Variants in ZNF44 observed in about 807,000 individuals in gnomAD.
The protein encoded by ZNF44 is gonadotropin inducible transcription repressor-2.
ZNF44 carries 9 observed loss-of-function variants against 11.7 expected under a neutral mutation model. The observed-to-expected ratio is 0.77, with a 90% CI of 0.46 to 1.35. ZNF44 has a LOEUF of 1.35. ZNF44 is among the 40% of genes most tolerant of loss of function. The pLI is 0.00. For synonymous variants in ZNF44, 224 were observed against 242.7 expected, an observed-to-expected ratio of 0.92 and a Z score of 0.72; for missense variants, 696 against 743.1, an observed-to-expected ratio of 0.94 and a Z score of 0.74.
intron 1 of ZNF44, among the ~76,000 whole-genome samples, chr19:12,288,771 A>AATTTATATATATATAT: frequency 2.6e-5 from 1 of 38,372 alleles, no homozygotes; most frequent in African/African-American, 1.7e-4. Context: ...AAAAAAAAAA[A>AATTTATATATATATAT]ATGTATATAT....
downstream of ZNF44, among the ~76,000 whole-genome samples, chr19:12,268,181 C>CACA (rs1555739618): frequency 8.5e-5 from 12 of 140,642 alleles, no homozygotes; most frequent in African/African-American, 3.0e-4. Context: ...CACACACACA[C>CACA]AAGCTCCTTC....
Position 12,273,599 on chromosome 19 carries a change from T to G in ZNF44, c.656A>C (p.His219Pro). The change falls in exon 4 of 4, where the codon CAC (histidine) becomes CCC (proline). Residue 219 changes from histidine to proline, a missense_variant. Transcript: ENST00000355684. ...PSLLRMHERT[H>P]TGEKPYECKQ... is the part of the protein sequence containing the mutation. ...ACATTCATATGGTTTCTCTCCAGTG[T>G]GAGTTCTTTCATGCATACGTAATAA... 1 of 1,614,194 alleles carries G rather than the reference T, an allele frequency of 6.2e-7. No homozygotes were observed. Among genetic ancestry groups the G allele is most frequent in the Non-Finnish European group, 8.5e-7 (1 of 1,180,030 alleles).
chr19:12,275,103 G>A (rs1967157951), intron 2 of ZNF44, 70 bp from the exon 3 acceptor site: 2 of 1,155,710 alleles, frequency 1.7e-6, no homozygotes, highest in Non-Finnish European at 1.2e-6. Flanking sequence ...AAGATTTTAT[G>A]TACACTACAA....
upstream of ZNF44, among the ~76,000 whole-genome samples, chr19:12,239,413 CT>C (rs34726133): frequency 0.32 from 36,828 of 113,850 alleles, 7,222 homozygotes; most frequent in African/African-American, 0.6. Context: ...TGCACCTGGC[CT>C]TTTTTTTTTT....
chr19:12,275,042 G>T lies in ZNF44; in HGVS notation c.131-9C>A. The T allele has an allele frequency of 6.4e-7, 1 of 1,564,512 alleles. No individual in the cohort carries two copies. Among genetic ancestry groups the T allele is most frequent in the Non-Finnish European group, 8.6e-7 (1 of 1,157,620 alleles). On this transcript the variant is annotated splice_polypyrimidine_tract_variant and intron_variant, in intron 2 of 3. Coordinates refer to ENST00000355684, the MANE Select transcript of ZNF44 (RefSeq NM_016264.4). ...GTTTTCCCATTTCATTCCTAAAAGAGAGATCCAGAAAATTCACTATAAATT... is the reference window on the plus strand; with the variant it reads ...GTTTTCCCATTTCATTCCTAAAAGATAGATCCAGAAAATTCACTATAAATT...
intron 3 of ZNF44, among the ~76,000 whole-genome samples, chr19:12,228,406 GGTCTGGCTTAGTCCAGCATTTAATTCC>G (rs1473365297): frequency 6.6e-6 from 1 of 152,162 alleles, no homozygotes; most frequent in Non-Finnish European, 1.5e-5. Flanking sequence ...GTGCAGATAA[GGTCTGGCTTAGTCCAGCATTTAATTCC>G]GTGTGTCCTA....
chr19:12,268,145 G>GACACACACACACACACAC (rs71166661), downstream of ZNF44, among the ~76,000 whole-genome samples: 262 of 136,842 alleles, frequency 1.9e-3, 5 homozygotes, highest in African/African-American at 5.4e-3. Flanking sequence ...CACACACACA[G>GACACACACACACACACAC]ACACACACAC....
intron 6 of ZNF44, chr19:12,250,113 A>T: frequency 1.6e-6 from 2 of 1,247,056 alleles, no homozygotes; most frequent in Non-Finnish European, 2.1e-6. Context: ...CTAGGTCCAT[A>T]TGTGACCATG....
intron 5 of ZNF44, among the ~76,000 whole-genome samples, chr19:12,256,697 CTTTTTT>C (rs950614463): frequency 2.9e-5 from 3 of 102,814 alleles, no homozygotes; most frequent in East Asian, 2.7e-4. Context: ...AGCAATTACT[CTTTTTT>C]TTTTTTTTTT....
chr19:12,254,156 C>A (rs1273863732), intron 5 of ZNF44, among the ~76,000 whole-genome samples: 2 of 148,204 alleles, frequency 1.3e-5, no homozygotes, highest in Admixed American at 1.3e-4. Flanking sequence ...CAAACCTAAT[C>A]CAGAAGATCA....
intron 5 of ZNF44, among the ~76,000 whole-genome samples, chr19:12,259,152 G>A (rs1318702348): frequency 3.3e-5 from 5 of 152,152 alleles, no homozygotes; most frequent in African/African-American, 9.7e-5. Context: ...TGGGATTACA[G>A]GCATGAGCCA....
chr19:12,253,783 C>T (rs775484705), intron 5 of ZNF44, among the ~76,000 whole-genome samples: 2 of 151,836 alleles, frequency 1.3e-5, no homozygotes, highest in Non-Finnish European at 2.9e-5. Context: ...GAGTTTGAGA[C>T]CAGCATGGCC....
At chr19:12,284,800 G>A (rs1030214504) in intron 1 of ZNF44, 41 of 1,184,166 alleles carry the variant, frequency 3.5e-5, no homozygotes, top group South Asian at 2.7e-4. Context: ...GTCCTCGTGC[G>A]CAGAGGCTAC....
chr19:12,257,620 T>TCCTAAAAATATAAAA (rs1402441074), intron 5 of ZNF44, among the ~76,000 whole-genome samples: 1 of 113,064 alleles, frequency 8.8e-6, no homozygotes. Context: ...ACTCCGTCTC[T>TCCTAAAAATATAAAA]ACTAAAAATA....
At chr19:12,278,501 G>A (rs1286631814) in intron 1 of ZNF44, among the ~76,000 whole-genome samples, 4 of 152,106 alleles carry the variant, frequency 2.6e-5, no homozygotes, top group African/African-American at 9.7e-5. Flanking sequence ...GCACCAAGGG[G>A]GTCAGATTGC....
intron 1 of ZNF44, chr19:12,293,261 C>T: frequency 6.5e-7 from 1 of 1,536,974 alleles, no homozygotes; most frequent in Non-Finnish European, 8.7e-7. Flanking sequence ...CACTCCAACA[C>T]CTCAGGCTGT....
chr19:12,248,483 T>C (rs572458169), exon 8 of ZNF44: 287 of 1,290,830 alleles, frequency 2.2e-4, no homozygotes, highest in Non-Finnish European at 2.7e-4. Flanking sequence ...ACTTATACAG[T>C]TTGTGTCTGG....
At chr19:12,247,159 T>G (rs1916791303), downstream of ZNF44, 2 of 369,326 alleles carry the variant, frequency 5.4e-6, no homozygotes, top group Non-Finnish European at 8.3e-6. Flanking sequence ...CTGAATTAAG[T>G]TATATCAGGC....
intron 1 of ZNF44, among the ~76,000 whole-genome samples, chr19:12,282,006 G>A (rs924967100): frequency 2.6e-5 from 4 of 152,002 alleles, no homozygotes; most frequent in African/African-American, 9.7e-5. Context: ...CAGAAGCAGA[G>A]GAAACACCTT....
Sources: allele counts gnomAD v4.1 joint callset (sites outside exome capture counted in the v4.1 genomes callset), GRCh38; gene constraint gnomAD v4.1.1; transcripts MANE v1.5; gene names NCBI Gene and HGNC (gene_info 2026-07-23, HGNC 2026-07-21).